Variants in MIR2052HG observed in about 807,000 individuals in gnomAD.
MIR2052HG encodes MIR2052 host gene.
intron 4 of MIR2052HG, among the ~76,000 whole-genome samples, chr8:74,721,404 G>A (rs556854685): frequency 1.3e-5 from 2 of 152,322 alleles, no homozygotes; most frequent in South Asian, 4.2e-4. Context: ...ATGTTTTTAT[G>A]AGTCAACTGG....
chr8:74,628,790 G>GT (rs1808470525), intron 2 of MIR2052HG: 1 of 152,162 alleles, frequency 6.6e-6, no homozygotes, highest in South Asian at 2.1e-4. Context: ...ATGAAATTGT[G>GT]TAAGTCTGAC....
intron 4 of MIR2052HG, among the ~76,000 whole-genome samples, chr8:74,717,859 T>C (rs973839612): frequency 5.9e-5 from 9 of 151,408 alleles, no homozygotes; most frequent in African/African-American, 2.2e-4. Context: ...TTATTTAAGG[T>C]GATTATTCTT....
intron 2 of MIR2052HG, among the ~76,000 whole-genome samples, chr8:74,629,428 A>G (rs928958567): frequency 6.6e-6 from 1 of 152,092 alleles, no homozygotes; most frequent in Non-Finnish European, 1.5e-5. Flanking sequence ...TTTCTACAGT[A>G]GGTGATGCCT....
rs186606469 is a variant in MIR2052HG at position 74,624,737 on chromosome 8, T to G, written n.216+11797T>G. Among the ~76,000 whole-genome samples, 232 of 152,362 alleles carry G rather than the reference T, an allele frequency of 1.5e-3. 2 individuals are homozygous for G. Among genetic ancestry groups the G allele is most frequent in the African/African-American group, 5.1e-3 (214 of 41,588 alleles). ...GCCTCCTGGCACTTGTGCATTTATTTGTATTTGTTTATGTATTCCTAACAC... is the reference window on the plus strand; with the variant it reads ...GCCTCCTGGCACTTGTGCATTTATTGGTATTTGTTTATGTATTCCTAACAC... On this transcript the variant is annotated intron_variant and non_coding_transcript_variant, in intron 2 of 6. Transcript: ENST00000523442.
At chr8:74,632,164 G>T (rs1808519732) in intron 2 of MIR2052HG, among the ~76,000 whole-genome samples, 2 of 152,148 alleles carry the variant, frequency 1.3e-5, no homozygotes, top group African/African-American at 4.8e-5. Context: ...CTCCTTTGCA[G>T]GCGATCCTTA....
At chr8:74,653,767 AT>A (rs1363141812) in intron 2 of MIR2052HG, among the ~76,000 whole-genome samples, 1 of 152,138 alleles carries the variant, frequency 6.6e-6, no homozygotes, top group African/African-American at 2.4e-5. Flanking sequence ...AAAATAAAGT[AT>A]TTTTTTGATT....
At chr8:74,624,960 A>C (rs796640336) in intron 2 of MIR2052HG, among the ~76,000 whole-genome samples, 8 of 152,346 alleles carry the variant, frequency 5.3e-5, no homozygotes, top group African/African-American at 1.9e-4. Context: ...TGAGTACAGT[A>C]AAGGATGAAA....
intron 1 of MIR2052HG, among the ~76,000 whole-genome samples, chr8:74,600,222 C>G (rs187949946): frequency 3.9e-5 from 6 of 152,022 alleles, no homozygotes; most frequent in Non-Finnish European, 7.4e-5. Flanking sequence ...TAGACTGGAG[C>G]TGTTCCTATT....
chr8:74,705,217 C>T (rs1299916951), intron 4 of MIR2052HG, among the ~76,000 whole-genome samples: 1 of 151,832 alleles, frequency 6.6e-6, no homozygotes, highest in Non-Finnish European at 1.5e-5. Flanking sequence ...CCAAAAGTTT[C>T]ATAGGAAAAA....
chr8:74,689,578 T>C (rs1809218518), intron 2 of MIR2052HG, among the ~76,000 whole-genome samples: 2 of 152,230 alleles, frequency 1.3e-5, no homozygotes, highest in Non-Finnish European at 1.5e-5. Flanking sequence ...GACTATTCTG[T>C]AACCATTTGG....
chr8:74,681,946 A>G (rs1288072301), intron 2 of MIR2052HG, among the ~76,000 whole-genome samples: 1 of 152,202 alleles, frequency 6.6e-6, no homozygotes, highest in Admixed American at 6.6e-5. Context: ...GGGGAAATGT[A>G]TGACTATTCA....
intron 2 of MIR2052HG, among the ~76,000 whole-genome samples, chr8:74,648,309 C>T (rs1808714931): frequency 6.6e-6 from 1 of 152,092 alleles, no homozygotes; most frequent in African/African-American, 2.4e-5. Context: ...TGGTCTCCTG[C>T]AGTACCCTCA....
At chr8:74,648,345 C>G (rs1243391987) in intron 2 of MIR2052HG, among the ~76,000 whole-genome samples, 1 of 152,128 alleles carries the variant, frequency 6.6e-6, no homozygotes, top group Non-Finnish European at 1.5e-5. Flanking sequence ...GAAATTCCAG[C>G]CTGGTGAATT....
intron 4 of MIR2052HG, among the ~76,000 whole-genome samples, chr8:74,752,173 G>A (rs1809953596): frequency 6.6e-6 from 1 of 151,574 alleles, no homozygotes; most frequent in South Asian, 2.1e-4. Flanking sequence ...ACCCAGCTAG[G>A]TGAGGGGCTG....
intron 4 of MIR2052HG, among the ~76,000 whole-genome samples, chr8:74,713,116 C>T (rs890241880): frequency 3.3e-5 from 5 of 152,170 alleles, no homozygotes; most frequent in African/African-American, 1.2e-4. Flanking sequence ...AAAGAGCTCA[C>T]ATGAATGGAC....
chr8:74,668,911 C>A (rs1489926530), intron 2 of MIR2052HG, among the ~76,000 whole-genome samples: 1 of 152,168 alleles, frequency 6.6e-6, no homozygotes, highest in Non-Finnish European at 1.5e-5. Context: ...AAAGTTCAAT[C>A]TCTCCTCCTG....
At chr8:74,626,047 C>G (rs1193474771) in intron 2 of MIR2052HG, among the ~76,000 whole-genome samples, 1 of 152,186 alleles carries the variant, frequency 6.6e-6, no homozygotes, top group African/African-American at 2.4e-5. Flanking sequence ...CACACTAGCA[C>G]TCCCTGGACA....
intron 2 of MIR2052HG, among the ~76,000 whole-genome samples, chr8:74,696,891 T>G (rs1408590386): frequency 6.6e-6 from 1 of 151,606 alleles, no homozygotes; most frequent in Non-Finnish European, 1.5e-5. Context: ...TATCAGACAT[T>G]CAAAGAAGAA....
chr8:74,675,463 C>T (rs1296595113), intron 2 of MIR2052HG, among the ~76,000 whole-genome samples: 1 of 152,038 alleles, frequency 6.6e-6, no homozygotes, highest in East Asian at 1.9e-4. Context: ...TGCCAATACT[C>T]TGCCATCTTA....
Sources: allele counts gnomAD v4.1 joint callset (sites outside exome capture counted in the v4.1 genomes callset), GRCh38; gene constraint gnomAD v4.1.1; transcripts MANE v1.5; gene names NCBI Gene and HGNC (gene_info 2026-07-23, HGNC 2026-07-21).